Variants in GIPC2 observed in about 807,000 individuals in gnomAD.
The protein encoded by GIPC2 is PDZ domain-containing protein GIPC2.
In GIPC2, 30 loss-of-function variants were observed where a neutral mutation model predicts 30.6. That is an observed-to-expected ratio of 0.98 (90% CI 0.73 to 1.33). The LOEUF (loss-of-function observed/expected upper bound fraction) is 1.33. Among genes scored for constraint, GIPC2 ranks in the 40% most tolerant of loss-of-function variants. The pLI is 0.00. For missense variants in GIPC2, 414 were observed against 390.3 expected, an observed-to-expected ratio of 1.06 and a Z score of -0.51; for synonymous variants, 167 against 150.0, an observed-to-expected ratio of 1.11 and a Z score of -0.83.
intron 1 of GIPC2, among the ~76,000 whole-genome samples, chr1:78,071,096 A>G (rs1661609136): frequency 1.3e-5 from 2 of 152,294 alleles, no homozygotes; most frequent in South Asian, 4.1e-4. Flanking sequence ...GACTGTAGCT[A>G]TTGACAAGAT....
At chr1:78,065,695 A>G (rs539357055) in intron 1 of GIPC2, among the ~76,000 whole-genome samples, 20 of 152,208 alleles carry the variant, frequency 1.3e-4, no homozygotes, top group Non-Finnish European at 2.2e-4. Context: ...TGGTACAACA[A>G]TAGATATATA....
intron 3 of GIPC2, among the ~76,000 whole-genome samples, chr1:78,111,602 A>G (rs746384707): frequency 5.3e-5 from 8 of 152,346 alleles, no homozygotes; most frequent in Admixed American, 1.3e-4. Context: ...GAGAAAATCT[A>G]TATAAGTTGT....
In GIPC2 at chr1:78,106,888, C is replaced by T. The variant is rs573420362; in HGVS notation, c.607+11756C>T. On this transcript the variant is annotated intron_variant, in intron 3 of 5. Coordinates refer to ENST00000370759, the MANE Select transcript of GIPC2 (RefSeq NM_017655.6). The stretch of plus-strand genomic sequence containing the variant: ...GCAGGGTTTCTCCATGTTGGTCAGG[C>T]TGGTCTCGAACTCGCGACCTCAGGT... Among the ~76,000 whole-genome samples, 3 of 152,138 alleles carry T rather than the reference C, an allele frequency of 2.0e-5. No individual in the cohort carries two copies. The South Asian group carries it at 6.2e-4, about 32-fold the overall frequency.
intron 1 of GIPC2, among the ~76,000 whole-genome samples, chr1:78,057,770 T>C (rs567689291): frequency 2.2e-4 from 34 of 152,362 alleles, no homozygotes; most frequent in African/African-American, 8.2e-4. Flanking sequence ...TGCCAGTCAC[T>C]GCCCCAAATG....
chr1:78,048,612 A>G (rs1217893422), intron 1 of GIPC2, among the ~76,000 whole-genome samples: 1 of 151,996 alleles, frequency 6.6e-6, no homozygotes, highest in East Asian at 1.9e-4. Flanking sequence ...ACTTTTTTTT[A>G]GAGATGTGGT....
At chr1:78,126,915 G>A (rs541085959) in intron 5 of GIPC2, among the ~76,000 whole-genome samples, 3 of 152,122 alleles carry the variant, frequency 2.0e-5, no homozygotes, top group African/African-American at 4.8e-5. Flanking sequence ...TGGGTTGAAC[G>A]CTCTGGAACT....
intron 1 of GIPC2, among the ~76,000 whole-genome samples, chr1:78,079,213 A>G (rs1367269481): frequency 6.6e-6 from 1 of 152,194 alleles, no homozygotes; most frequent in Admixed American, 6.5e-5. Flanking sequence ...TTGGGGGGCC[A>G]TAGTTGTTTC....
Position 78,046,089 on chromosome 1 carries a change from T to C in GIPC2, c.-6T>C. On this transcript the variant is annotated 5_prime_UTR_variant, in exon 1 of 6. Transcript: ENST00000370759. ...GCAGGTGGGCCCGCGCTCTCGGCCC[T>C]GCAAGATGCCCCTGAAGCTGCGGGG... 6.9e-7 allele frequency: 1 copy of C among 1,445,448 alleles called. No homozygotes were observed. Among genetic ancestry groups the C allele is most frequent in the South Asian group, 1.5e-5 (1 of 67,654 alleles). 89.5% of individuals were successfully genotyped at this position (1,445,448 alleles called of 1,614,324 possible). A position where few individuals can be genotyped will look rare whatever the true frequency, so the allele number is the denominator to read the frequency against.
intron 1 of GIPC2, 22 bp downstream of exon 1, chr1:78,046,356 C>A (rs1171209278): frequency 6.4e-7 from 1 of 1,561,430 alleles, no homozygotes; most frequent in East Asian, 2.4e-5. Context: ...GGTGCTCAGG[C>A]TCTCCCGCCT....
At chr1:78,092,147 A>G in intron 2 of GIPC2, 1 of 795,670 alleles carries the variant, frequency 1.3e-6, no homozygotes, top group Non-Finnish European at 2.1e-6. Flanking sequence ...GAGACACACA[A>G]GATGTTTTTA....
intron 2 of GIPC2, among the ~76,000 whole-genome samples, chr1:78,085,878 A>C (rs921600840): frequency 2.9e-5 from 4 of 138,474 alleles, no homozygotes; most frequent in African/African-American, 1.1e-4. Context: ...CAACTCCTGG[A>C]TCTATTGATC....
At chr1:78,106,715 T>A (rs745495552) in intron 3 of GIPC2, among the ~76,000 whole-genome samples, 13 of 152,228 alleles carry the variant, frequency 8.5e-5, no homozygotes, top group Non-Finnish European at 1.0e-4. Flanking sequence ...AGTTTCGTTC[T>A]TGTTGCCCAG....
chr1:78,056,898 C>T (rs988933191), intron 1 of GIPC2, among the ~76,000 whole-genome samples: 1 of 152,100 alleles, frequency 6.6e-6, no homozygotes, highest in Non-Finnish European at 1.5e-5. Context: ...TCTATAGATT[C>T]CCCTTCGTCT....
chr1:78,059,232 A>T (rs1239444352), intron 1 of GIPC2, among the ~76,000 whole-genome samples: 3 of 152,246 alleles, frequency 2.0e-5, no homozygotes, highest in Non-Finnish European at 4.4e-5. Context: ...ATCCATTGGT[A>T]GATTGTGTGT....
In GIPC2 at chr1:78,119,432, A is replaced by G; in HGVS notation, c.647A>G (p.Glu216Gly). The G allele has an allele frequency of 1.2e-6, 2 of 1,612,810 alleles. No individual in the cohort carries two copies. Among genetic ancestry groups the G allele is most frequent in the Non-Finnish European group, 1.7e-6 (2 of 1,178,918 alleles). The part of the protein sequence containing the change: ...LRSKAGKSSG[E>G]KIGCGRATLR... Reference sequence around the variant, plus strand: ...TCAAAGGCTGGAAAGTCATCAGGAGAAAAAATTGGTTGTGGAAGGGCAACA... The same window carrying G: ...TCAAAGGCTGGAAAGTCATCAGGAGGAAAAATTGGTTGTGGAAGGGCAACA... Residue 216 changes from glutamate (E) to glycine (G), a missense_variant, in exon 4 of 6, where the codon GAA (glutamate) becomes GGA (glycine). Coordinates refer to ENST00000370759, the MANE Select transcript of GIPC2 (RefSeq NM_017655.6).
intron 4 of GIPC2, among the ~76,000 whole-genome samples, chr1:78,124,043 AT>A (rs1448634704): frequency 6.6e-6 from 1 of 152,240 alleles, no homozygotes; most frequent in Non-Finnish European, 1.5e-5. Flanking sequence ...AACAACATAT[AT>A]TTATAACAGT....
Position 78,137,464 on chromosome 1 carries a change from T to C in GIPC2, c.*1721T>C, listed in dbSNP as rs1432549462. 1 of 152,196 alleles carries C rather than the reference T, an allele frequency of 6.6e-6. No homozygotes were observed. Among genetic ancestry groups the C allele is most frequent in the Non-Finnish European group, 1.5e-5 (1 of 68,014 alleles). 9.4% of individuals were successfully genotyped at this position (152,196 alleles called of 1,614,324 possible). A position where few individuals can be genotyped will look rare whatever the true frequency, so the allele number is the denominator to read the frequency against. ...GAAATAAGTCATTGTTCATTATTGA[T>C]GGTTGTCAGTTTCTCCTTCCTTTTT... On this transcript the variant is annotated 3_prime_UTR_variant, in exon 6 of 6. Transcript: ENST00000370759.
rs1203898536 is a variant in GIPC2, at chr1:78,100,940, ATACACACACACAC to A, written c.607+5809_607+5821del. 2.3e-3 allele frequency among the ~76,000 whole-genome samples: 258 copies of A among 113,482 alleles called. 2 individuals are homozygous for A. Among genetic ancestry groups the A allele is most frequent in the African/African-American group, 7.3e-3 (219 of 29,828 alleles). The allele number at this position is 113,482 out of a possible 152,430, so 74.4% of individuals were successfully genotyped here. Reference sequence around the variant, plus strand: ...GTGAGACCCTGTCAAAAAAAAAAAAATACACACACACACACACACACACACACACACACACACA... The same window carrying A: ...GTGAGACCCTGTCAAAAAAAAAAAAAACACACACACACACACACACACACA... On this transcript the variant is annotated intron_variant, in intron 3 of 5. Transcript: ENST00000370759.
Position 78,135,729 on chromosome 1 carries a change from C to T in GIPC2, c.934C>T (p.Arg312Ter), listed in dbSNP as rs570383915. 40 of 1,613,570 alleles carry T rather than the reference C, an allele frequency of 2.5e-5. No individual in the cohort carries two copies. The highest frequency in any genetic ancestry group is 7.7e-5 in the South Asian group (7 of 90,960). The change falls in exon 6 of 6, where the codon CGA (arginine) becomes TGA (stop). Residue 312 changes from arginine to a stop codon, truncating the protein, a stop_gained. Transcript: ENST00000370759. LOFTEE classifies it high-confidence loss of function. The part of the protein sequence containing the change: ...DVWGVIGDAK[R>*]RGL The stretch of plus-strand genomic sequence containing the variant: ...TTGGGGAGTCATTGGTGATGCCAAA[C>T]GAAGAGGATTATGATGTGTACACTC...
Sources: allele counts gnomAD v4.1 joint callset (sites outside exome capture counted in the v4.1 genomes callset), GRCh38; gene constraint gnomAD v4.1.1; transcripts MANE v1.5; gene names NCBI Gene and HGNC (gene_info 2026-07-23, HGNC 2026-07-21).